Variants in KHDRBS2 observed in about 807,000 individuals in gnomAD.
KHDRBS2 encodes KH domain-containing, RNA-binding, signal transduction-associated protein 2.
A neutral mutation model predicts 44.3 loss-of-function variants in KHDRBS2; 26 were observed. The observed-to-expected ratio is 0.59, with a 90% confidence interval of 0.43 to 0.81. The LOEUF is 0.81. Among genes scored for constraint, KHDRBS2 ranks in the 40% least tolerant of loss-of-function variants. The pLI is 0.00. For synonymous variants in KHDRBS2, 194 were observed against 151.1 expected (o/e 1.28, Z -2.08); for missense variants, 476 against 433.1 (o/e 1.10, Z -0.88).
chr6:61,836,126 C>T (rs528990698), intron 6 of KHDRBS2, among the ~76,000 whole-genome samples: 81 of 152,028 alleles, frequency 5.3e-4, no homozygotes, highest in Non-Finnish European at 9.6e-4. Context: ...TAATTTTAAT[C>T]TAGTTTTATT....
At chr6:62,216,588 T>C (rs1585246608) in intron 1 of KHDRBS2, among the ~76,000 whole-genome samples, 1 of 151,556 alleles carries the variant, frequency 6.6e-6, no homozygotes, top group Admixed American at 6.6e-5. Flanking sequence ...GGAGTCTTTA[T>C]AATGATGCAC....
At chr6:61,857,904 T>G (rs192385512) in intron 6 of KHDRBS2, among the ~76,000 whole-genome samples, 3 of 152,172 alleles carry the variant, frequency 2.0e-5, no homozygotes, top group Admixed American at 6.6e-5. Flanking sequence ...AGGACAAATC[T>G]ATTCAACTTG....
intron 2 of KHDRBS2, among the ~76,000 whole-genome samples, chr6:62,079,857 A>G (rs1173619365): frequency 2.0e-5 from 3 of 152,024 alleles, no homozygotes; most frequent in Admixed American, 6.6e-5. Flanking sequence ...TACCTTCACA[A>G]TAGGAACTCT....
chr6:61,561,813 C>T, the KHDRBS2 span, among the ~76,000 whole-genome samples: 1 of 152,078 alleles, frequency 6.6e-6, no homozygotes, highest in Non-Finnish European at 1.5e-5. Context: ...TCTACCAATC[C>T]ACAATTTTGC....
At chr6:61,811,019 G>T (rs1415473591) in intron 6 of KHDRBS2, among the ~76,000 whole-genome samples, 1 of 152,000 alleles carries the variant, frequency 6.6e-6, no homozygotes, top group Non-Finnish European at 1.5e-5. Flanking sequence ...GGGGTATATT[G>T]TATGATACTG....
chr6:61,658,057 C>T, the KHDRBS2 span, among the ~76,000 whole-genome samples: 3 of 151,886 alleles, frequency 2.0e-5, no homozygotes, highest in Non-Finnish European at 4.4e-5. Flanking sequence ...ATATATTATG[C>T]ATAGGCTAGT....
chr6:62,239,733 T>A (rs1010940952), intron 1 of KHDRBS2, among the ~76,000 whole-genome samples: 1 of 152,144 alleles, frequency 6.6e-6, no homozygotes, highest in Non-Finnish European at 1.5e-5. Flanking sequence ...TCACCTAGGC[T>A]GGAGTGCAGT....
intron 6 of KHDRBS2, among the ~76,000 whole-genome samples, chr6:61,762,230 C>A (rs931479099): frequency 1.2e-4 from 18 of 152,188 alleles, no homozygotes; most frequent in Non-Finnish European, 5.9e-5. Flanking sequence ...ATAATTGATT[C>A]TCAGATATGA....
Position 61,915,077 on chromosome 6 carries a change from G to C in KHDRBS2, c.484-13706C>G, listed in dbSNP as rs571656524. Among the ~76,000 whole-genome samples, 40 of 152,138 alleles carry C rather than the reference G, an allele frequency of 2.6e-4. No homozygotes were observed. In the South Asian group the frequency reaches 7.7e-3, roughly 29 times the overall value. On this transcript the variant is annotated intron_variant, in intron 4 of 8. Coordinates refer to ENST00000281156, the MANE Select transcript of KHDRBS2 (RefSeq NM_152688.4). ...TATGTCAGGAGTGGACAGTAGAAGG[G>C]TGTGTAGATGGAAGCCAGGCTGGAA...
intron 7 of KHDRBS2, among the ~76,000 whole-genome samples, chr6:61,706,948 A>G (rs767872412): frequency 2.2e-5 from 2 of 91,938 alleles, no homozygotes; most frequent in Non-Finnish European, 4.8e-5. Flanking sequence ...AAACAAAAAC[A>G]AAAACAAAAA....
At chr6:61,920,190 C>T (rs1807804237) in intron 4 of KHDRBS2, among the ~76,000 whole-genome samples, 1 of 151,890 alleles carries the variant, frequency 6.6e-6, no homozygotes, top group Admixed American at 6.6e-5. Flanking sequence ...TTGTTTCATG[C>T]AGCAATTATG....
Position 61,788,835 on chromosome 6 carries a change from A to C in KHDRBS2, c.811-56071T>G, listed in dbSNP as rs530959628. Among the ~76,000 whole-genome samples, 5 of 151,306 alleles carry C rather than the reference A, an allele frequency of 3.3e-5. No individual in the cohort carries two copies. The East Asian group carries it at 9.6e-4, about 29-fold the overall frequency. On this transcript the variant is annotated intron_variant, in intron 6 of 8. Coordinates refer to ENST00000281156, the MANE Select transcript of KHDRBS2 (RefSeq NM_152688.4). ...ATTATATTTATAAATATTATATATC[A>C]TGATGCCTGAAAAAAATCTATACAA... is the stretch of plus-strand genomic sequence containing the variant.
intron 7 of KHDRBS2, among the ~76,000 whole-genome samples, chr6:61,697,717 CAA>C (rs947364923): frequency 6.6e-5 from 10 of 152,164 alleles, no homozygotes; most frequent in Admixed American, 5.2e-4. Context: ...GTGCACTCCC[CAA>C]ATATATAAGC....
At chr6:61,902,042 G>A (rs567936836) in intron 4 of KHDRBS2, among the ~76,000 whole-genome samples, 139 of 152,148 alleles carry the variant, frequency 9.1e-4, no homozygotes, top group Non-Finnish European at 1.7e-3. Flanking sequence ...TGCCGCCTCC[G>A]CTTCCCGGGT....
At chr6:61,555,194 G>T in the KHDRBS2 span, among the ~76,000 whole-genome samples, 1 of 151,982 alleles carries the variant, frequency 6.6e-6, no homozygotes, top group Non-Finnish European at 1.5e-5. Flanking sequence ...CAGAAGTTTT[G>T]TTCATTCAAC....
chr6:62,224,367 G>T lies in KHDRBS2; in HGVS notation c.92-47055C>A, dbSNP rs185297352. 1.5e-3 allele frequency among the ~76,000 whole-genome samples: 230 copies of T among 152,268 alleles called. 1 individual carries two copies. The highest frequency in any genetic ancestry group is 5.3e-3 in the African/African-American group (222 of 41,546). On this transcript the variant is annotated intron_variant, in intron 1 of 8. Coordinates refer to ENST00000281156, the MANE Select transcript of KHDRBS2 (RefSeq NM_152688.4). ...CCCAAAACATGTGGGAGTAATTCAAGATAAGATTTGGGTGGGGACACAGCC... is the reference window on the plus strand; with the variant it reads ...CCCAAAACATGTGGGAGTAATTCAATATAAGATTTGGGTGGGGACACAGCC...
At chr6:62,134,053 G>A (rs1192191425) in intron 2 of KHDRBS2, among the ~76,000 whole-genome samples, 2 of 152,204 alleles carry the variant, frequency 1.3e-5, no homozygotes, top group Admixed American at 6.5e-5. Flanking sequence ...CAAGCTGGCT[G>A]CATAAATTTG....
At chr6:61,693,720 T>A (rs868416898) in intron 8 of KHDRBS2, among the ~76,000 whole-genome samples, 4 of 152,226 alleles carry the variant, frequency 2.6e-5, no homozygotes, top group Middle Eastern at 6.8e-3. Flanking sequence ...TGGCCCAGAA[T>A]GAAATTTAGT....
At chr6:61,888,561 C>CTTT (rs139822708) in intron 6 of KHDRBS2, among the ~76,000 whole-genome samples, 1 of 110,974 alleles carries the variant, frequency 9.0e-6, no homozygotes, top group African/African-American at 3.8e-5. Flanking sequence ...TTTCTAATTC[C>CTTT]TTTTTTTTTT....
Sources: gnomAD v4.1 joint callset for allele counts (sites outside exome capture counted in the v4.1 genomes callset) on GRCh38, gnomAD v4.1.1 for gene constraint, MANE v1.5 for transcripts, NCBI Gene and HGNC (gene_info 2026-07-23, HGNC 2026-07-21) for gene names.